The following NLGN4X variants were observed in gnomAD, a reference collection of about 807,000 sequenced individuals.
NLGN4X encodes neuroligin 4 X-linked.
A neutral mutation model predicts 40.3 loss-of-function variants in NLGN4X; 3 were observed. That is an observed-to-expected ratio of 0.07 (90% confidence interval 0.03 to 0.19). The LOEUF (loss-of-function observed/expected upper bound fraction) is 0.19, where lower values mean the gene tolerates loss of function less well. NLGN4X is among the 10% of genes least tolerant of loss of function. NLGN4X has a pLI of 1.00. For missense variants in NLGN4X, 382 were observed against 708.3 expected (o/e 0.54, Z 5.23); for synonymous variants, 270 against 306.8 (o/e 0.88, Z 1.25).
chrX:6,080,542 A>G (rs752114465), intron 2 of NLGN4X, among the ~76,000 whole-genome samples: 1 of 111,819 alleles, frequency 8.9e-6, no homozygotes, highest in Non-Finnish European at 1.9e-5. Flanking sequence ...TCCAAGTAAC[A>G]GCTCAAGAGA....
intron 3 of NLGN4X, among the ~76,000 whole-genome samples, chrX:5,968,026 C>A (rs2034885339): frequency 9.0e-6 from 1 of 111,499 alleles, no homozygotes; most frequent in African/African-American, 3.3e-5. Flanking sequence ...TTGCAGAAAT[C>A]CATTTATAGA....
intron 2 of NLGN4X, among the ~76,000 whole-genome samples, chrX:6,101,168 C>T (rs992423700): frequency 8.0e-5 from 9 of 112,070 alleles, no homozygotes; most frequent in African/African-American, 2.9e-4. Flanking sequence ...TACTTTAAAA[C>T]TCAATATGAC....
At chrX:6,080,758 A>G (rs2038326784) in intron 2 of NLGN4X, among the ~76,000 whole-genome samples, 1 of 112,140 alleles carries the variant, frequency 8.9e-6, no homozygotes, top group Non-Finnish European at 1.9e-5. Flanking sequence ...AAGAGAAGGT[A>G]TTAGTGTATT....
chrX:5,950,004 C>A lies in NLGN4X; in HGVS notation c.626-40765G>T, dbSNP rs188979240. On this transcript the variant is annotated intron_variant, in intron 3 of 5. Coordinates refer to ENST00000381095, the MANE Select transcript of NLGN4X (RefSeq NM_181332.3). ...ATGACAAGAGGGAAAAACGGCTTAG[C>A]AAATCAGACGGGTTTGGGACCTGAA... Among the ~76,000 whole-genome samples the A allele has an allele frequency of 1.5e-3, 173 of 111,754 alleles. 1 individual carries two copies. Among genetic ancestry groups the A allele is most frequent in the Non-Finnish European group, 1.8e-3 (98 of 53,177 alleles).
intron 3 of NLGN4X, among the ~76,000 whole-genome samples, chrX:6,006,610 T>A (rs757958742): frequency 3.6e-5 from 4 of 111,553 alleles, no homozygotes; most frequent in Non-Finnish European, 7.5e-5. Flanking sequence ...ATGTGCTTCA[T>A]TTCAAACGAG....
At chrX:6,198,262 G>T (rs1483864393) in intron 1 of NLGN4X, among the ~76,000 whole-genome samples, 5 of 111,199 alleles carry the variant, frequency 4.5e-5, no homozygotes, top group South Asian at 3.8e-4. Context: ...CTAAAGATTT[G>T]GGGGTTCAGA....
chrX:6,038,719 C>T (rs918528861), intron 2 of NLGN4X, among the ~76,000 whole-genome samples: 2 of 111,769 alleles, frequency 1.8e-5, no homozygotes, highest in African/African-American at 6.5e-5. Context: ...ATGGAGCCTT[C>T]AGCAAAGGGG....
At chrX:6,117,977 T>C (rs972432377) in intron 2 of NLGN4X, among the ~76,000 whole-genome samples, 2 of 111,317 alleles carry the variant, frequency 1.8e-5, no homozygotes, top group Non-Finnish European at 3.8e-5. Flanking sequence ...AGCTTTCATA[T>C]TGTAAGTCAT....
At chrX:5,932,271 T>C (rs1601908712) in intron 3 of NLGN4X, among the ~76,000 whole-genome samples, 1 of 112,030 alleles carries the variant, frequency 8.9e-6, no homozygotes, top group East Asian at 2.8e-4. Context: ...AAAGTGTTTG[T>C]TGAATGTTAA....
chrX:6,020,532 C>G (rs2036503604), intron 3 of NLGN4X, among the ~76,000 whole-genome samples: 1 of 111,732 alleles, frequency 8.9e-6, no homozygotes, highest in South Asian at 3.7e-4. Flanking sequence ...AAGATCTGTT[C>G]AATATGGCAA....
chrX:5,897,214 T>C (rs1601845139), intron 5 of NLGN4X, among the ~76,000 whole-genome samples: 1 of 112,037 alleles, frequency 8.9e-6, no homozygotes, highest in South Asian at 3.7e-4. Flanking sequence ...GTTTGGTTAC[T>C]TTAAAGCACT....
At chrX:5,940,296 C>T (rs1032892123) in intron 3 of NLGN4X, among the ~76,000 whole-genome samples, 12 of 112,287 alleles carry the variant, frequency 1.1e-4, no homozygotes, top group African/African-American at 3.9e-4. Context: ...TTAAAAGACA[C>T]TTCATATCTT....
intron 5 of NLGN4X, among the ~76,000 whole-genome samples, chrX:5,902,259 T>G (rs1338829876): frequency 9.0e-6 from 1 of 111,328 alleles, no homozygotes; most frequent in African/African-American, 3.3e-5. Context: ...TAAGGTGGTG[T>G]GCACCTGTAG....
At chrX:5,926,789 T>C (rs867839868) in intron 3 of NLGN4X, among the ~76,000 whole-genome samples, 6 of 93,045 alleles carry the variant, frequency 6.4e-5, no homozygotes, top group Admixed American at 1.2e-4. Flanking sequence ...CTAGAGAGCA[T>C]ACACACACAC....
chrX:5,907,610 T>C (rs2032257303), intron 4 of NLGN4X, among the ~76,000 whole-genome samples: 2 of 111,615 alleles, frequency 1.8e-5, no homozygotes, highest in South Asian at 7.6e-4. Flanking sequence ...GTTTTTGTGG[T>C]TTCCTCTTTC....
At chrX:6,061,427 TAA>T (rs35449879) in intron 2 of NLGN4X, among the ~76,000 whole-genome samples, 2 of 107,184 alleles carry the variant, frequency 1.9e-5, no homozygotes, top group South Asian at 4.2e-4. Flanking sequence ...TTTCTCATCT[TAA>T]AAAAAAAAGT....
At chrX:5,978,393 T>TC (rs200875399) in intron 3 of NLGN4X, among the ~76,000 whole-genome samples, 6,000 of 104,883 alleles carry the variant, frequency 0.057, 609 homozygotes, top group African/African-American at 0.21. Flanking sequence ...TTCTTCTATC[T>TC]CTCTCTTCCT....
chrX:6,158,796 C>T (rs1387460418), intron 1 of NLGN4X, among the ~76,000 whole-genome samples: 3 of 112,067 alleles, frequency 2.7e-5, no homozygotes, highest in African/African-American at 9.7e-5. Flanking sequence ...CTCTCCCCTC[C>T]GGGCATCCCC....
intron 2 of NLGN4X, chrX:6,032,807 G>A (rs759643021): frequency 1.2e-6 from 1 of 800,724 alleles, no homozygotes; most frequent in Non-Finnish European, 1.7e-6. Flanking sequence ...AAAACAACAG[G>A]TTTTCAAAAA....
Sources: gnomAD v4.1 joint callset for allele counts (sites outside exome capture counted in the v4.1 genomes callset) on GRCh38, gnomAD v4.1.1 for gene constraint, MANE v1.5 for transcripts, NCBI Gene and HGNC (gene_info 2026-07-23, HGNC 2026-07-21) for gene names.